The following ZNF713 variants were observed in gnomAD, a reference collection of about 807,000 sequenced individuals.
ZNF713 encodes zinc finger protein 713.
In ZNF713, 21 loss-of-function variants were observed where a neutral mutation model predicts 28.7. That is an observed-to-expected ratio of 0.73 (90% CI 0.52 to 1.05). The LOEUF (loss-of-function observed/expected upper bound fraction) is 1.05. Among genes scored for constraint, ZNF713 ranks in the 50% least tolerant of loss-of-function variants. ZNF713 has a pLI of 0.00. For synonymous variants in ZNF713, 167 were observed against 178.0 expected (o/e 0.94, Z 0.49); for missense variants, 458 against 532.4 (o/e 0.86, Z 1.37).
Position 55,893,130 on chromosome 7 carries a change from G to A in ZNF713, c.-583+5450G>A, listed in dbSNP as rs182646711. On this transcript the variant is annotated intron_variant, in intron 1 of 6. Transcript: ENST00000429591. ...GATCTCCTGACTTCATGATCTGCCC[G>A]CCTCAGCCTCCCAAAGTGCTGGGAT... is the stretch of plus-strand genomic sequence containing the variant. Among the ~76,000 whole-genome samples, 181 of 152,074 alleles carry A rather than the reference G, an allele frequency of 1.2e-3. 2 individuals are homozygous for A. Among genetic ancestry groups the A allele is most frequent in the African/African-American group, 3.8e-3 (157 of 41,514 alleles).
intron 1 of ZNF713, among the ~76,000 whole-genome samples, chr7:55,895,402 A>C (rs745912910): frequency 1.2e-4 from 18 of 150,150 alleles, no homozygotes; most frequent in Non-Finnish European, 2.5e-4. Context: ...GAATTAAGAT[A>C]TATCTATCTA....
chr7:55,895,687 C>T (rs1338294171), intron 1 of ZNF713, among the ~76,000 whole-genome samples: 1 of 151,896 alleles, frequency 6.6e-6, no homozygotes, highest in Admixed American at 6.6e-5. Flanking sequence ...AGGCTGGTCT[C>T]GAACTCCCGA....
At position 55,938,748 on chromosome 7, in the gene ZNF713, T is replaced by C. The variant is rs538736116; in HGVS notation, c.308-234T>C. Among the ~76,000 whole-genome samples the C allele has an allele frequency of 2.6e-5, 4 of 152,316 alleles. No individual in the cohort carries two copies. In the East Asian group the frequency reaches 7.7e-4, roughly 29 times the overall value. ...ATGGATACTCCTGGATGAGCTCTTC[T>C]TTCTATGATTACTGCACATGTTTAA... On this transcript the variant is annotated intron_variant, in intron 6 of 6. Transcript: ENST00000429591.
In ZNF713 at chr7:55,940,864, G is replaced by A. The variant is rs1205191859; in HGVS notation, c.*858G>A. On this transcript the variant is annotated 3_prime_UTR_variant, in exon 7 of 7. Transcript: ENST00000429591. ...AGAGTCTCGCTCTGCCACCCAGGCT[G>A]GAGTGCAATGGCGCGATCTCGGCTC... is the stretch of plus-strand genomic sequence containing the variant. The A allele has an allele frequency of 7.7e-6, 1 of 130,412 alleles. No homozygotes were observed. The highest frequency in any genetic ancestry group is 2.7e-4 in the South Asian group (1 of 3,690). 8.1% of individuals were successfully genotyped at this position (130,412 alleles called of 1,614,324 possible).
At chr7:55,896,788 G>A (rs1240922050) in intron 1 of ZNF713, among the ~76,000 whole-genome samples, 1 of 152,050 alleles carries the variant, frequency 6.6e-6, no homozygotes, top group Non-Finnish European at 1.5e-5. Context: ...CTGTTCTCCA[G>A]TAAAAGGAAC....
At chr7:55,917,949 A>T in intron 4 of ZNF713, 2 of 438,462 alleles carry the variant, frequency 4.6e-6, no homozygotes, top group East Asian at 1.4e-4. Flanking sequence ...TGCTGGTGTG[A>T]ATGTGACAGA....
intron 1 of ZNF713, among the ~76,000 whole-genome samples, chr7:55,892,555 CAAAAAAAAA>C (rs56338467): frequency 5.4e-5 from 4 of 74,380 alleles, no homozygotes; most frequent in Non-Finnish European, 6.9e-5. Context: ...AAGCACTGAC[CAAAAAAAAA>C]AAAAAAAAAA....
intron 4 of ZNF713, among the ~76,000 whole-genome samples, chr7:55,913,195 C>CTTTT (rs66851959): frequency 5.6e-4 from 49 of 88,136 alleles, no homozygotes; most frequent in African/African-American, 9.1e-4. Context: ...GTTTTGATTC[C>CTTTT]TTTTTTTTTT....
chr7:55,940,655 G>T lies in ZNF713; in HGVS notation c.*649G>T. 3 of 717,958 alleles carry T rather than the reference G, an allele frequency of 4.2e-6. No homozygotes were observed. Among genetic ancestry groups the T allele is most frequent in the Non-Finnish European group, 5.1e-6 (3 of 586,956 alleles). 44.5% of individuals were successfully genotyped at this position (717,958 alleles called of 1,614,324 possible). ...ACTCTGGAGACTGAGGCATGAGAAT[G>T]ACTTGAACATGGGAGGTGGAGGTTG... On this transcript the variant is annotated 3_prime_UTR_variant, in exon 7 of 7. Coordinates refer to ENST00000429591, the MANE Select transcript of ZNF713 (RefSeq NM_182633.3).
chr7:55,907,507 T>TA (rs1300983111), intron 2 of ZNF713, among the ~76,000 whole-genome samples: 2 of 152,244 alleles, frequency 1.3e-5, no homozygotes, highest in Non-Finnish European at 2.9e-5. Context: ...GTTTGTTACA[T>TA]AGACATGTTG....
chr7:55,892,992 C>G (rs1401169954), intron 1 of ZNF713, among the ~76,000 whole-genome samples: 1 of 151,356 alleles, frequency 6.6e-6, no homozygotes, highest in Admixed American at 6.6e-5. Context: ...ACGCCATTCT[C>G]TTGCCTCAGC....
Position 55,941,043 on chromosome 7 carries a change from A to G in ZNF713, c.*1037A>G. ...CACCATATTGACTAGGCTGGTCTCG[A>G]ACTCCTGACCTTGTGATCTGCCCGC... On this transcript the variant is annotated 3_prime_UTR_variant, in exon 7 of 7. Coordinates refer to ENST00000429591, the MANE Select transcript of ZNF713 (RefSeq NM_182633.3). 6.6e-6 allele frequency: 1 copy of G among 150,478 alleles called. No individual in the cohort carries two copies. The highest frequency in any genetic ancestry group is 6.6e-5 in the Admixed American group (1 of 15,130). 9.3% of individuals were successfully genotyped at this position (150,478 alleles called of 1,614,324 possible). A position where few individuals can be genotyped will look rare whatever the true frequency, so the allele number is the denominator to read the frequency against.
In ZNF713 at chr7:55,903,920, C is replaced by T. The variant is rs79317118; in HGVS notation, c.-582-2333C>T. ...GATTCTTTATGGCTTTCTACTCCAA[C>T]CTAAGAGTGGCAGGATGCCCTGAAT... On this transcript the variant is annotated intron_variant, in intron 1 of 6. Transcript: ENST00000429591. Among the ~76,000 whole-genome samples, 3,314 of 152,062 alleles carry T rather than the reference C, an allele frequency of 0.022. 221 individuals carry two copies. The East Asian group carries it at 0.24, about 11-fold the overall frequency.
At chr7:55,936,264 C>CA (rs5884432) in intron 6 of ZNF713, among the ~76,000 whole-genome samples, 20,435 of 130,608 alleles carry the variant, frequency 0.16, 1,712 homozygotes, top group Middle Eastern at 0.19. Flanking sequence ...GACTCTGTCC[C>CA]AAAAAAAAAA....
rs142220120 is a variant in ZNF713 at position 55,920,327 on chromosome 7, C to G, written c.88-2835C>G. 2.0e-5 allele frequency among the ~76,000 whole-genome samples: 3 copies of G among 152,258 alleles called. No individual in the cohort carries two copies. In the East Asian group the frequency reaches 5.8e-4, roughly 29 times the overall value. On this transcript the variant is annotated intron_variant, in intron 4 of 6. Coordinates refer to ENST00000429591, the MANE Select transcript of ZNF713 (RefSeq NM_182633.3). ...GGGCCAAACAGCCAAGTCATGTGTA[C>G]AAAGGAAAAGCTATTGAAGAAAATT...
intron 1 of ZNF713, among the ~76,000 whole-genome samples, chr7:55,890,608 A>T (rs780398247): frequency 6.6e-6 from 1 of 152,180 alleles, no homozygotes; most frequent in Non-Finnish European, 1.5e-5. Flanking sequence ...AATCTGCTGT[A>T]AGATTAAAAC....
At chr7:55,921,745 G>A (rs1785996673) in intron 4 of ZNF713, among the ~76,000 whole-genome samples, 1 of 152,210 alleles carries the variant, frequency 6.6e-6, no homozygotes, top group African/African-American at 2.4e-5. Context: ...AATGACAATA[G>A]TGGATTTAGA....
At chr7:55,889,673 T>A (rs536659651) in intron 1 of ZNF713, among the ~76,000 whole-genome samples, 4 of 149,084 alleles carry the variant, frequency 2.7e-5, no homozygotes. Flanking sequence ...GGCTTTGTCT[T>A]ACACCCATGC....
At chr7:55,938,929 A>G in intron 6 of ZNF713, 53 bp from the exon 7 acceptor site, 5 of 1,497,404 alleles carry the variant, frequency 3.3e-6, no homozygotes, top group Non-Finnish European at 4.5e-6. Context: ...TTTTCAAATC[A>G]TAGATAACAT....
Sources: allele counts gnomAD v4.1 joint callset (sites outside exome capture counted in the v4.1 genomes callset), GRCh38; gene constraint gnomAD v4.1.1; transcripts MANE v1.5; gene names NCBI Gene and HGNC (gene_info 2026-07-23, HGNC 2026-07-21).